ADGRB3: variants seen among roughly 807,000 people sequenced by gnomAD.
ADGRB3 encodes the protein adhesion G protein-coupled receptor B3.
A neutral mutation model predicts 193.4 loss-of-function variants in ADGRB3; 37 were observed. The ratio of observed to expected loss-of-function variants is 0.19; its 90% CI spans 0.15 to 0.25. The LOEUF is 0.25. ADGRB3 is among the 10% of genes least tolerant of loss of function. ADGRB3 has a pLI of 1.00. For synonymous variants in ADGRB3, 690 were observed against 644.2 expected (o/e 1.07, Z -1.08); for missense variants, 1,637 against 1,852.9 (o/e 0.88, Z 2.14).
chr6:68,868,940 TGAG>T (rs1562064106), intron 3 of ADGRB3, among the ~76,000 whole-genome samples: 6 of 150,414 alleles, frequency 4.0e-5, no homozygotes, highest in Non-Finnish European at 5.9e-5. Flanking sequence ...TGTGTGTGTG[TGAG>T]TGTGTGTGTT....
chr6:68,793,404 T>G (rs745811107), intron 3 of ADGRB3, among the ~76,000 whole-genome samples: 1 of 152,228 alleles, frequency 6.6e-6, no homozygotes, highest in Non-Finnish European at 1.5e-5. Flanking sequence ...GTATTACACA[T>G]ATTATTTATA....
chr6:68,710,083 T>C (rs1765384828), intron 3 of ADGRB3, among the ~76,000 whole-genome samples: 1 of 152,208 alleles, frequency 6.6e-6, no homozygotes, highest in East Asian at 1.9e-4. Flanking sequence ...ACAGCAAATG[T>C]GCACCTAGGT....
chr6:69,372,445 A>G lies in ADGRB3; in HGVS notation c.4275+4A>G. The G allele has an allele frequency of 1.5e-6, 2 of 1,328,274 alleles. No individual in the cohort carries two copies. Among genetic ancestry groups the G allele is most frequent in the Non-Finnish European group, 2.1e-6 (2 of 970,878 alleles). The allele number at this position is 1,328,274 out of a possible 1,614,324, so 82.3% of individuals were successfully genotyped here. ...ATATTCAGACCTTGACTTTGAGGTA[A>G]GTTTATATGAATTATTTTAGAATTG... On this transcript the variant is annotated splice_donor_region_variant and intron_variant, in intron 30 of 31. Transcript: ENST00000370598.
intron 17 of ADGRB3, among the ~76,000 whole-genome samples, chr6:69,170,964 TCTTCTAGTAGCCA>T (rs1482692475): frequency 1.3e-5 from 2 of 152,206 alleles, no homozygotes; most frequent in Admixed American, 1.3e-4. Context: ...TAATTTGCAA[TCTTCTAGTAGCCA>T]TACGAAAAGT....
At chr6:68,754,307 A>T (rs902894670) in intron 3 of ADGRB3, among the ~76,000 whole-genome samples, 1 of 152,174 alleles carries the variant, frequency 6.6e-6, no homozygotes, top group Non-Finnish European at 1.5e-5. Flanking sequence ...TGGTCATAGC[A>T]GGGGAATTTT....
At chr6:68,785,515 C>A (rs1464656833) in intron 3 of ADGRB3, among the ~76,000 whole-genome samples, 2 of 151,892 alleles carry the variant, frequency 1.3e-5, no homozygotes, top group Admixed American at 1.3e-4. Flanking sequence ...CATAGTATTC[C>A]ATGGTGTATA....
At chr6:69,126,834 G>A (rs1773866173) in intron 17 of ADGRB3, among the ~76,000 whole-genome samples, 1 of 152,138 alleles carries the variant, frequency 6.6e-6, no homozygotes, top group Non-Finnish European at 1.5e-5. Flanking sequence ...GAATGTGCTG[G>A]ATTGCTCTAG....
At chr6:69,131,692 A>T (rs1774014789) in intron 17 of ADGRB3, among the ~76,000 whole-genome samples, 1 of 152,066 alleles carries the variant, frequency 6.6e-6, no homozygotes, top group Non-Finnish European at 1.5e-5. Context: ...TTTGTTACAT[A>T]GGTATATGTA....
chr6:68,892,927 TC>T (rs766352705), intron 3 of ADGRB3, among the ~76,000 whole-genome samples: 3 of 151,924 alleles, frequency 2.0e-5, no homozygotes, highest in Non-Finnish European at 4.4e-5. Context: ...TCAAGTAGAG[TC>T]CCCAGCCTCT....
intron 17 of ADGRB3, chr6:69,232,519 T>G (rs1338934720): frequency 2.0e-6 from 3 of 1,535,436 alleles, no homozygotes; most frequent in Non-Finnish European, 2.6e-6. Context: ...CTAGCGGACT[T>G]GGGGTTAGCT....
At chr6:69,317,091 A>G (rs907284524) in intron 20 of ADGRB3, among the ~76,000 whole-genome samples, 1 of 151,604 alleles carries the variant, frequency 6.6e-6, no homozygotes, top group African/African-American at 2.4e-5. Flanking sequence ...TTACAGTTAC[A>G]TAGGTGTATG....
Position 68,785,034 on chromosome 6 carries a change from G to A in ADGRB3, c.758-145525G>A, listed in dbSNP as rs116537297. On this transcript the variant is annotated intron_variant, in intron 3 of 31. Transcript: ENST00000370598. Reference sequence around the variant, plus strand: ...TATGGATAATAACCATATGAGAAAGGGATGAAAGAACCCCTGAATCTCCTA... The same window carrying A: ...TATGGATAATAACCATATGAGAAAGAGATGAAAGAACCCCTGAATCTCCTA... 1.8e-3 allele frequency among the ~76,000 whole-genome samples: 281 copies of A among 151,944 alleles called. 3 individuals carry two copies. The highest frequency in any genetic ancestry group is 6.5e-3 in the African/African-American group (271 of 41,440).
At chr6:68,714,372 T>G (rs1765456625) in intron 3 of ADGRB3, among the ~76,000 whole-genome samples, 1 of 151,792 alleles carries the variant, frequency 6.6e-6, no homozygotes, top group Non-Finnish European at 1.5e-5. Context: ...GTCAAATTTT[T>G]TTTTGTCACC....
chr6:68,804,964 G>A (rs1241495864), intron 3 of ADGRB3, among the ~76,000 whole-genome samples: 1 of 151,698 alleles, frequency 6.6e-6, no homozygotes, highest in African/African-American at 2.4e-5. Context: ...GCTTCACTCT[G>A]TTACCCGGGC....
At chr6:69,126,164 C>T (rs563213374) in intron 17 of ADGRB3, among the ~76,000 whole-genome samples, 1 of 152,158 alleles carries the variant, frequency 6.6e-6, no homozygotes, top group African/African-American at 2.4e-5. Context: ...TCCCTTCCTT[C>T]TTGTATTAGA....
At chr6:68,702,051 T>C (rs1011973808) in intron 3 of ADGRB3, among the ~76,000 whole-genome samples, 7 of 152,100 alleles carry the variant, frequency 4.6e-5, no homozygotes, top group Admixed American at 3.3e-4. Flanking sequence ...GGAGATGAGG[T>C]AATCCATAAG....
intron 18 of ADGRB3, among the ~76,000 whole-genome samples, chr6:69,234,541 C>T (rs1178642152): frequency 6.6e-6 from 1 of 151,976 alleles, no homozygotes; most frequent in East Asian, 1.9e-4. Context: ...ATAAAGTTGT[C>T]AAAAAGTCAG....
At chr6:69,303,608 G>T (rs576947545) in intron 20 of ADGRB3, among the ~76,000 whole-genome samples, 3 of 151,892 alleles carry the variant, frequency 2.0e-5, no homozygotes, top group South Asian at 4.2e-4. Flanking sequence ...GACAGTTTTG[G>T]CATCTATTAA....
At chr6:68,988,479 C>T (rs1349017925) in intron 10 of ADGRB3, among the ~76,000 whole-genome samples, 1 of 151,910 alleles carries the variant, frequency 6.6e-6, no homozygotes, top group Admixed American at 6.6e-5. Flanking sequence ...TTGTAGTAGT[C>T]GTAATAGAAC....
Sources: allele counts gnomAD v4.1 joint callset (sites outside exome capture counted in the v4.1 genomes callset), GRCh38; gene constraint gnomAD v4.1.1; transcripts MANE v1.5; gene names NCBI Gene and HGNC (gene_info 2026-07-23, HGNC 2026-07-21).